The following ZFR variants were observed in gnomAD, a reference collection of about 807,000 sequenced individuals.
The protein encoded by ZFR is zinc finger RNA-binding protein.
ZFR carries 19 observed loss-of-function variants against 130.7 expected under a neutral mutation model. That is an observed-to-expected ratio of 0.15 (90% CI 0.10 to 0.21). The LOEUF (loss-of-function observed/expected upper bound fraction) is 0.21. Ranked by LOEUF, ZFR falls within the 10% of genes least tolerant of loss-of-function variation. The pLI is 1.00. For missense variants in ZFR, 872 were observed against 1,321.5 expected, an observed-to-expected ratio of 0.66 and a Z score of 5.27; for synonymous variants, 466 against 456.9, an observed-to-expected ratio of 1.02 and a Z score of -0.25.
At chr5:32,414,546 A>G (rs1412969592) in intron 5 of ZFR, among the ~76,000 whole-genome samples, 1 of 152,240 alleles carries the variant, frequency 6.6e-6, no homozygotes, top group Non-Finnish European at 1.5e-5. Flanking sequence ...CAACATTTCC[A>G]TGATGAACTA....
intron 6 of ZFR, among the ~76,000 whole-genome samples, chr5:32,405,117 T>C (rs1218570055): frequency 6.6e-6 from 1 of 152,216 alleles, no homozygotes; most frequent in Non-Finnish European, 1.5e-5. Context: ...ATGTTCATCA[T>C]ACAATTCAGA....
intron 2 of ZFR, among the ~76,000 whole-genome samples, chr5:32,429,414 C>A (rs1168804228): frequency 6.6e-6 from 1 of 152,050 alleles, no homozygotes; most frequent in Non-Finnish European, 1.5e-5. Flanking sequence ...CCTGTCTCCA[C>A]TAAAAAATAC....
chr5:32,359,438 G>GATATGCTAATA (rs1407902975), intron 19 of ZFR, among the ~76,000 whole-genome samples: 29 of 152,096 alleles, frequency 1.9e-4, no homozygotes, highest in African/African-American at 6.3e-4. Context: ...AAAGCTTAAA[G>GATATGCTAATA]ATATGCTAAT....
In ZFR at chr5:32,388,788, CT is replaced by C. The variant is rs1267339652; in HGVS notation, c.2143-115del. The C allele has an allele frequency of 1.1e-5, 11 of 1,014,314 alleles. No individual in the cohort carries two copies. The African/African-American group carries it at 1.5e-4, about 14-fold the overall frequency. The allele number at this position is 1,014,314 out of a possible 1,614,324, so 62.8% of individuals were successfully genotyped here. A position where few individuals can be genotyped will look rare whatever the true frequency, so the allele number is the denominator to read the frequency against. ...TTTTCAATAAGAAAGCCTTTATCTT[CT>C]TTTTTCCATTTCAGTAAAAACGAAA... is the stretch of plus-strand genomic sequence containing the variant. On this transcript the variant is annotated intron_variant, in intron 12 of 19. Coordinates refer to ENST00000265069, the MANE Select transcript of ZFR (RefSeq NM_016107.5).
chr5:32,442,675 T>C (rs1304519447), intron 2 of ZFR, among the ~76,000 whole-genome samples: 2 of 152,256 alleles, frequency 1.3e-5, no homozygotes, highest in Admixed American at 6.5e-5. Context: ...TTTATACATT[T>C]TGACATCTCT....
Position 32,407,037 on chromosome 5 carries a change from C to A in ZFR, c.785-16G>T. The A allele has an allele frequency of 6.9e-7, 1 of 1,450,772 alleles. No homozygotes were observed. Among genetic ancestry groups the A allele is most frequent in the South Asian group, 1.5e-5 (1 of 68,416 alleles). The allele number at this position is 1,450,772 out of a possible 1,614,324, so 89.9% of individuals were successfully genotyped here. A position where few individuals can be genotyped will look rare whatever the true frequency, so the allele number is the denominator to read the frequency against. On this transcript the variant is annotated splice_polypyrimidine_tract_variant and intron_variant, in intron 5 of 19. Transcript: ENST00000265069. ...TAAGACGTACCTTACAAATAAAAAT[C>A]AAACAAAAATTATGTTACATACTTA...
intron 2 of ZFR, among the ~76,000 whole-genome samples, chr5:32,432,845 C>T (rs759050140): frequency 8.6e-5 from 13 of 151,902 alleles, no homozygotes; most frequent in Non-Finnish European, 1.9e-4. Flanking sequence ...CCTCCTACCT[C>T]AGTCTTCTAA....
At chr5:32,392,932 G>A (rs1160813502) in intron 11 of ZFR, among the ~76,000 whole-genome samples, 2 of 152,124 alleles carry the variant, frequency 1.3e-5, no homozygotes, top group East Asian at 1.9e-4. Context: ...GAGGTGGAGA[G>A]TGCAGTGAGC....
intron 2 of ZFR, among the ~76,000 whole-genome samples, chr5:32,429,536 C>A (rs950231393): frequency 1.3e-5 from 2 of 152,192 alleles, no homozygotes; most frequent in African/African-American, 4.8e-5. Context: ...TCTGACCAGG[C>A]AAATTCCCAA....
chr5:32,364,449 T>A (rs541589971), intron 17 of ZFR, 174 bp from the exon 18 acceptor site: 6 of 403,480 alleles, frequency 1.5e-5, no homozygotes, highest in Non-Finnish European at 2.7e-5. Context: ...AATTAAGGAA[T>A]AGGCCGGGCA....
rs373603853 is a variant in ZFR at position 32,379,210 on chromosome 5, C to A, written c.2740G>T (p.Ala914Ser). Residue 914 changes from alanine (A) to serine (S), a missense_variant and splice_region_variant, in exon 17 of 20, where the codon GCT becomes TCT. Coordinates refer to ENST00000265069, the MANE Select transcript of ZFR (RefSeq NM_016107.5). ...CAGGACTGCAGACCATTAGCTCTAG[C>A]CTTGAGAGCAACATAAAAACCAATT... ...AALRHAKWFQARANGLQSCVI... is the reference protein window; with the variant it reads ...AALRHAKWFQSRANGLQSCVI... The A allele has an allele frequency of 1.2e-6, 2 of 1,612,744 alleles. No homozygotes were observed.
At chr5:32,427,348 C>A (rs186166888) in intron 2 of ZFR, among the ~76,000 whole-genome samples, 283 of 125,520 alleles carry the variant, frequency 2.3e-3, no homozygotes, top group African/African-American at 6.6e-3. Flanking sequence ...TCGTGCCAGT[C>A]TGGGCAACAC....
chr5:32,432,470 T>C (rs1336876463), intron 2 of ZFR, among the ~76,000 whole-genome samples: 2 of 152,150 alleles, frequency 1.3e-5, no homozygotes, highest in Non-Finnish European at 2.9e-5. Flanking sequence ...AAAGTTTCTA[T>C]TTAAGTCTTC....
intron 15 of ZFR, among the ~76,000 whole-genome samples, chr5:32,383,348 C>A (rs1338158040): frequency 2.6e-5 from 4 of 152,148 alleles, no homozygotes; most frequent in Admixed American, 2.6e-4. Context: ...GGCTTTGGAC[C>A]GGGCCTGATA....
chr5:32,427,374 CAAAAAAA>C (rs540663022), intron 2 of ZFR, among the ~76,000 whole-genome samples: 1 of 66,504 alleles, frequency 1.5e-5, no homozygotes, highest in Non-Finnish European at 2.8e-5. Context: ...GACTCTGTCT[CAAAAAAA>C]AAAAAAAAAA....
chr5:32,373,505 A>G (rs1752725284), intron 17 of ZFR, among the ~76,000 whole-genome samples: 1 of 152,218 alleles, frequency 6.6e-6, no homozygotes, highest in Non-Finnish European at 1.5e-5. Context: ...GTTCGTCTTT[A>G]AACTGCAGCT....
At position 32,404,022 on chromosome 5, in the gene ZFR, T is replaced by C; in HGVS notation, c.1108A>G (p.Ser370Gly). ...GTCCCACGAGTAGAACTGTTGCTGC[T>C]GCTGGTATTTTGTGAGGCTTTCAAT... is the stretch of plus-strand genomic sequence containing the variant. ...AALKASQNTS[S>G]SNSSTRGTQN... The change falls in exon 7 of 20, where the codon AGC becomes GGC. Residue 370 changes from serine to glycine, a missense_variant. Transcript: ENST00000265069. The C allele has an allele frequency of 6.2e-7, 1 of 1,614,188 alleles. No homozygotes were observed. Among genetic ancestry groups the C allele is most frequent in the South Asian group, 1.1e-5 (1 of 91,070 alleles).
chr5:32,388,695 T>A, intron 12 of ZFR, 21 bp from the exon 13 acceptor site: 1 of 1,561,688 alleles, frequency 6.4e-7, no homozygotes, highest in Non-Finnish European at 8.7e-7. Flanking sequence ...ACAAAGTTGC[T>A]CAATTTAAAA....
At chr5:32,435,604 CTT>C (rs1754315842) in intron 2 of ZFR, among the ~76,000 whole-genome samples, 1 of 152,152 alleles carries the variant, frequency 6.6e-6, no homozygotes, top group Non-Finnish European at 1.5e-5. Context: ...TCACAGCACT[CTT>C]TGCTCTCATC....
Sources: gnomAD v4.1 joint callset for allele counts (sites outside exome capture counted in the v4.1 genomes callset) on GRCh38, gnomAD v4.1.1 for gene constraint, MANE v1.5 for transcripts, NCBI Gene and HGNC (gene_info 2026-07-23, HGNC 2026-07-21) for gene names.